The following ASIC2 variants were observed in gnomAD, a reference collection of about 807,000 sequenced individuals.
ASIC2 encodes the protein acid-sensing ion channel 2.
A neutral mutation model predicts 57.3 loss-of-function variants in ASIC2; 25 were observed. The observed-to-expected ratio is 0.44, with a 90% CI of 0.32 to 0.61. The LOEUF (loss-of-function observed/expected upper bound fraction) is 0.61, where lower values mean the gene tolerates loss of function less well. Ranked by LOEUF, ASIC2 falls within the 20% of genes least tolerant of loss-of-function variation. The pLI, the probability that ASIC2 is intolerant of heterozygous loss-of-function variation, is 0.06. For synonymous variants in ASIC2, 319 were observed against 307.5 expected (o/e 1.04, Z -0.39); for missense variants, 641 against 738.1 (o/e 0.87, Z 1.52).
At chr17:33,635,718 C>T (rs1443246349) in intron 1 of ASIC2, among the ~76,000 whole-genome samples, 1 of 152,134 alleles carries the variant, frequency 6.6e-6, no homozygotes, top group African/African-American at 2.4e-5. Flanking sequence ...CAAGAAATTG[C>T]CCTGCATATT....
At chr17:33,609,369 C>CGGA (rs773378749) in intron 1 of ASIC2, among the ~76,000 whole-genome samples, 7 of 152,182 alleles carry the variant, frequency 4.6e-5, no homozygotes, top group Non-Finnish European at 8.8e-5. Flanking sequence ...ACTGCCCTCC[C>CGGA]GCTTGCCCTC....
chr17:33,346,158 C>T (rs554545268), intron 1 of ASIC2, among the ~76,000 whole-genome samples: 25 of 124,408 alleles, frequency 2.0e-4, no homozygotes, highest in African/African-American at 3.7e-4. Flanking sequence ...ACCTGGGAGG[C>T]GGAGGTTGCA....
chr17:33,975,362 C>T (rs913296693), intron 1 of ASIC2, among the ~76,000 whole-genome samples: 4 of 152,074 alleles, frequency 2.6e-5, no homozygotes, highest in African/African-American at 9.7e-5. Context: ...TCAATCTTCG[C>T]CCTCTATCTT....
chr17:33,990,825 A>G (rs901263926), intron 1 of ASIC2, among the ~76,000 whole-genome samples: 9 of 152,240 alleles, frequency 5.9e-5, no homozygotes, highest in Non-Finnish European at 1.0e-4. Flanking sequence ...AAACACTAAC[A>G]TCTCTCCCAC....
chr17:33,488,669 G>A (rs1913654346), intron 1 of ASIC2, among the ~76,000 whole-genome samples: 1 of 152,096 alleles, frequency 6.6e-6, no homozygotes, highest in African/African-American at 2.4e-5. Flanking sequence ...AGATTCTCCT[G>A]TAAAGAATTC....
At chr17:33,680,941 A>C (rs1907981782) in intron 1 of ASIC2, 1 of 152,254 alleles carries the variant, frequency 6.6e-6, no homozygotes, top group South Asian at 2.1e-4. Flanking sequence ...AGGCCTCACA[A>C]AACTGGATTG....
intron 3 of ASIC2, among the ~76,000 whole-genome samples, chr17:33,043,200 C>T (rs901876138): frequency 4.6e-5 from 7 of 152,322 alleles, no homozygotes; most frequent in Admixed American, 3.9e-4. Flanking sequence ...GCTGGGATTA[C>T]AGGCGTGAGC....
At chr17:33,086,372 C>T (rs1383447699) in intron 3 of ASIC2, among the ~76,000 whole-genome samples, 1 of 152,182 alleles carries the variant, frequency 6.6e-6, no homozygotes, top group Non-Finnish European at 1.5e-5. Flanking sequence ...AGTAATTCAT[C>T]ATAGTAGGGG....
intron 1 of ASIC2, among the ~76,000 whole-genome samples, chr17:33,761,564 G>C (rs1910779149): frequency 6.6e-6 from 1 of 152,174 alleles, no homozygotes; most frequent in Non-Finnish European, 1.5e-5. Flanking sequence ...CTCTCAGGGA[G>C]GGACTTCAGC....
chr17:33,424,386 G>T (rs1182336527), intron 1 of ASIC2, among the ~76,000 whole-genome samples: 2 of 152,202 alleles, frequency 1.3e-5, no homozygotes, highest in Non-Finnish European at 2.9e-5. Flanking sequence ...AAACTAGGGG[G>T]TTATAAATAT....
chr17:33,246,005 A>T (rs929935879), intron 1 of ASIC2, among the ~76,000 whole-genome samples: 1 of 148,274 alleles, frequency 6.7e-6, no homozygotes, highest in South Asian at 2.1e-4. Context: ...TGGGCAACAT[A>T]GTGAGACCCT....
At chr17:33,373,476 T>C (rs937585466) in intron 1 of ASIC2, among the ~76,000 whole-genome samples, 1 of 152,222 alleles carries the variant, frequency 6.6e-6, no homozygotes, top group African/African-American at 2.4e-5. Flanking sequence ...CCCTCCCTGT[T>C]TGAGGGCTGT....
chr17:33,077,485 G>A (rs1292617234), intron 3 of ASIC2, among the ~76,000 whole-genome samples: 3 of 152,144 alleles, frequency 2.0e-5, no homozygotes, highest in African/African-American at 4.8e-5. Flanking sequence ...ACGTTATTAG[G>A]TAAAGTTATA....
At position 33,436,850 on chromosome 17, in the gene ASIC2, CTTCTTT is replaced by C. The variant is rs1325728098; in HGVS notation, c.556-324789_556-324784del. 2.8e-4 allele frequency among the ~76,000 whole-genome samples: 21 copies of C among 76,034 alleles called. 1 individual carries two copies. The East Asian group carries it at 4.7e-3, about 17-fold the overall frequency. 49.9% of individuals were successfully genotyped at this position (76,034 alleles called of 152,430 possible). The stretch of plus-strand genomic sequence containing the variant: ...TGCAATGCCTTAAAACACATTCCAA[CTTCTTT>C]TTTTTTTTTTTTTTTTTTTTTTTTT... On this transcript the variant is annotated intron_variant, in intron 1 of 9. Transcript: ENST00000359872.
chr17:33,840,741 A>G (rs1026801841), intron 1 of ASIC2, among the ~76,000 whole-genome samples: 3 of 152,000 alleles, frequency 2.0e-5, no homozygotes, highest in African/African-American at 7.3e-5. Context: ...GCTTTAAATA[A>G]AGACATGGAA....
chr17:33,409,490 C>T (rs1910581302), intron 1 of ASIC2, among the ~76,000 whole-genome samples: 1 of 152,190 alleles, frequency 6.6e-6, no homozygotes, highest in Non-Finnish European at 1.5e-5. Context: ...AGGAGTTTGG[C>T]CAGAACTGGA....
At chr17:33,390,109 T>C (rs1250901290) in intron 1 of ASIC2, among the ~76,000 whole-genome samples, 1 of 152,024 alleles carries the variant, frequency 6.6e-6, no homozygotes, top group Non-Finnish European at 1.5e-5. Flanking sequence ...GGTCAGGAGT[T>C]TGAGACTGGC....
chr17:33,420,101 C>T (rs1356378969), intron 1 of ASIC2, among the ~76,000 whole-genome samples: 1 of 152,196 alleles, frequency 6.6e-6, no homozygotes, highest in Admixed American at 6.5e-5. Context: ...ATAAGCTGCG[C>T]TATATTTCCA....
intron 1 of ASIC2, chr17:34,039,006 G>C: frequency 6.2e-7 from 1 of 1,614,136 alleles, no homozygotes; most frequent in Non-Finnish European, 8.5e-7. Context: ...GGTCTTGCAT[G>C]CTCTTATCTC....
Sources: gnomAD v4.1 joint callset for allele counts (sites outside exome capture counted in the v4.1 genomes callset) on GRCh38, gnomAD v4.1.1 for gene constraint, MANE v1.5 for transcripts, NCBI Gene and HGNC (gene_info 2026-07-23, HGNC 2026-07-21) for gene names.